THSD7B: variants seen among roughly 807,000 people sequenced by gnomAD.
THSD7B encodes the protein thrombospondin type 1 domain containing 7B, also known as thrombospondin type-1 domain-containing protein 7B.
A neutral mutation model predicts 213.6 loss-of-function variants in THSD7B; 138 were observed. That is an observed-to-expected ratio of 0.65 (90% CI 0.56 to 0.74). The LOEUF is 0.74. THSD7B is among the 30% of genes least tolerant of loss of function. THSD7B has a pLI of 0.00. For synonymous variants in THSD7B, 742 were observed against 687.0 expected, an observed-to-expected ratio of 1.08 and a Z score of -1.25; for missense variants, 1,931 against 1,991.5, an observed-to-expected ratio of 0.97 and a Z score of 0.58.
chr2:137,222,337 C>T (rs1681389022), intron 7 of THSD7B, among the ~76,000 whole-genome samples: 1 of 152,160 alleles, frequency 6.6e-6, no homozygotes, highest in Non-Finnish European at 1.5e-5. Context: ...GACGTCCCAA[C>T]TACTCATCAA....
chr2:136,854,815 A>G (rs945210508), intron 1 of THSD7B, among the ~76,000 whole-genome samples: 8 of 152,030 alleles, frequency 5.3e-5, no homozygotes, highest in Non-Finnish European at 7.4e-5. Flanking sequence ...GGGAAATCCA[A>G]CCACAGAATC....
chr2:137,349,922 C>T (rs949306242), intron 12 of THSD7B, among the ~76,000 whole-genome samples: 14 of 151,734 alleles, frequency 9.2e-5, no homozygotes, highest in African/African-American at 2.9e-4. Context: ...AATTGTTAAT[C>T]GTAATTTGCT....
intron 2 of THSD7B, among the ~76,000 whole-genome samples, chr2:136,923,330 T>C (rs527651985): frequency 4.6e-5 from 7 of 152,246 alleles, no homozygotes; most frequent in Non-Finnish European, 8.8e-5. Flanking sequence ...TATATTTCTT[T>C]TTAAAAATTC....
At chr2:137,130,808 T>C (rs1253384435) in intron 5 of THSD7B, among the ~76,000 whole-genome samples, 7 of 123,858 alleles carry the variant, frequency 5.7e-5, no homozygotes, top group Middle Eastern at 3.9e-3. Flanking sequence ...TTCCAAGTCT[T>C]TGCTATTGTG....
intron 8 of THSD7B, among the ~76,000 whole-genome samples, chr2:137,232,659 T>C (rs1681666715): frequency 6.6e-6 from 1 of 152,210 alleles, no homozygotes; most frequent in Non-Finnish European, 1.5e-5. Context: ...CAATTAATTT[T>C]AAAATCTAAT....
intron 22 of THSD7B, among the ~76,000 whole-genome samples, chr2:137,656,108 A>T (rs1021828455): frequency 2.6e-5 from 4 of 152,234 alleles, no homozygotes; most frequent in Admixed American, 2.6e-4. Flanking sequence ...GTGAAGTTCC[A>T]TATAAATGTG....
At chr2:137,387,265 G>C (rs1685917833) in intron 12 of THSD7B, among the ~76,000 whole-genome samples, 1 of 152,212 alleles carries the variant, frequency 6.6e-6, no homozygotes, top group African/African-American at 2.4e-5. Flanking sequence ...TCTTATTTGA[G>C]TGCTCTTGTC....
chr2:136,956,205 T>C (rs1011836822), intron 2 of THSD7B, among the ~76,000 whole-genome samples: 1 of 152,198 alleles, frequency 6.6e-6, no homozygotes, highest in Non-Finnish European at 1.5e-5. Flanking sequence ...ACTAAACCTT[T>C]GATCTCAAAA....
intron 2 of THSD7B, among the ~76,000 whole-genome samples, chr2:136,898,878 T>C (rs1684012872): frequency 6.6e-6 from 1 of 151,948 alleles, no homozygotes; most frequent in South Asian, 2.1e-4. Context: ...CCTGACCTCG[T>C]GATCTGCCCA....
chr2:137,114,802 G>C (rs1402852480), intron 4 of THSD7B, among the ~76,000 whole-genome samples: 1 of 152,090 alleles, frequency 6.6e-6, no homozygotes, highest in Non-Finnish European at 1.5e-5. Flanking sequence ...CAAGAATTAG[G>C]CTCATTCGGT....
chr2:137,060,185 G>T (rs1687245213), intron 3 of THSD7B, among the ~76,000 whole-genome samples: 5 of 152,050 alleles, frequency 3.3e-5, no homozygotes, highest in Admixed American at 3.3e-4. Context: ...TGTCTATTCA[G>T]ATGTTTTGTC....
intron 1 of THSD7B, among the ~76,000 whole-genome samples, chr2:136,876,396 G>A (rs985609698): frequency 6.6e-6 from 1 of 152,060 alleles, no homozygotes; most frequent in African/African-American, 2.4e-5. Flanking sequence ...TATATAATTG[G>A]CAATGATGTC....
chr2:137,280,506 C>T (rs920194219), intron 12 of THSD7B, among the ~76,000 whole-genome samples: 32 of 152,074 alleles, frequency 2.1e-4, no homozygotes, highest in Non-Finnish European at 3.2e-4. Flanking sequence ...GTTAAGATTT[C>T]ATTCGTGTAA....
At chr2:137,243,476 T>C (rs769534836) in intron 10 of THSD7B, among the ~76,000 whole-genome samples, 3 of 152,168 alleles carry the variant, frequency 2.0e-5, no homozygotes, top group Non-Finnish European at 2.9e-5. Context: ...TTGGCAGCCA[T>C]GTCCTCTCAA....
intron 12 of THSD7B, among the ~76,000 whole-genome samples, chr2:137,361,089 G>A (rs1685246406): frequency 6.6e-6 from 1 of 152,098 alleles, no homozygotes; most frequent in African/African-American, 2.4e-5. Flanking sequence ...AGGCACACAG[G>A]GTCAGGAGTG....
chr2:137,452,618 TTAAACA>T (rs1304416305), intron 15 of THSD7B, among the ~76,000 whole-genome samples: 3 of 152,162 alleles, frequency 2.0e-5, no homozygotes, highest in Non-Finnish European at 2.9e-5. Context: ...AACACCAGTG[TTAAACA>T]CTCATTTTAA....
At chr2:137,336,527 C>T (rs1264461506) in intron 12 of THSD7B, among the ~76,000 whole-genome samples, 1 of 152,166 alleles carries the variant, frequency 6.6e-6, no homozygotes, top group Non-Finnish European at 1.5e-5. Context: ...CATCCTCCAC[C>T]TTCTGGATGG....
At chr2:136,869,174 G>C (rs754211931) in intron 1 of THSD7B, among the ~76,000 whole-genome samples, 2 of 152,082 alleles carry the variant, frequency 1.3e-5, no homozygotes, top group Non-Finnish European at 1.5e-5. Context: ...TTTAGGGGTG[G>C]TGGAGTGGGA....
intron 3 of THSD7B, among the ~76,000 whole-genome samples, chr2:137,086,994 A>AAGG (rs1245016040): frequency 2.0e-5 from 3 of 152,170 alleles, no homozygotes; most frequent in Admixed American, 2.0e-4. Flanking sequence ...AGCACAACCA[A>AAGG]AGGTCCCACT....
Sources: allele counts gnomAD v4.1 joint callset (sites outside exome capture counted in the v4.1 genomes callset), GRCh38; gene constraint gnomAD v4.1.1; transcripts MANE v1.5; gene names NCBI Gene and HGNC (gene_info 2026-07-23, HGNC 2026-07-21).